Variants in DOCK1 observed in about 807,000 individuals in gnomAD.
DOCK1 encodes the protein dedicator of cytokinesis 1.
A neutral mutation model predicts 262.7 loss-of-function variants in DOCK1; 138 were observed. The observed-to-expected ratio is 0.53, with a 90% CI of 0.46 to 0.61. The LOEUF is 0.61. Among genes scored for constraint, DOCK1 ranks in the 20% least tolerant of loss-of-function variants. DOCK1 has a pLI of 0.00. For missense variants in DOCK1, 1,908 were observed against 2,370.7 expected, an observed-to-expected ratio of 0.80 and a Z score of 4.05; for synonymous variants, 866 against 867.4, an observed-to-expected ratio of 1.00 and a Z score of 0.03.
intron 1 of DOCK1, among the ~76,000 whole-genome samples, chr10:126,908,359 G>A (rs902117147): frequency 1.3e-5 from 2 of 152,120 alleles, no homozygotes; most frequent in Non-Finnish European, 2.9e-5. Context: ...AGCATTTTTC[G>A]GAGCTTAACA....
chr10:127,379,464 G>A (rs2065708882), intron 35 of DOCK1, among the ~76,000 whole-genome samples: 2 of 152,212 alleles, frequency 1.3e-5, no homozygotes, highest in South Asian at 4.1e-4. Flanking sequence ...AATGTCTTGT[G>A]TAGACTGTTT....
intron 47 of DOCK1, among the ~76,000 whole-genome samples, chr10:127,426,896 A>G (rs902838882): frequency 2.6e-5 from 4 of 152,196 alleles, no homozygotes; most frequent in Non-Finnish European, 5.9e-5. Flanking sequence ...TGCAGTTCAA[A>G]TCTTACAGCC....
Position 127,132,561 on chromosome 10 carries a change from A to G in DOCK1, c.2847+4797A>G, listed in dbSNP as rs544175318. 2.0e-5 allele frequency among the ~76,000 whole-genome samples: 3 copies of G among 152,268 alleles called. No individual in the cohort carries two copies. The South Asian group carries it at 6.2e-4, about 32-fold the overall frequency. On this transcript the variant is annotated intron_variant, in intron 27 of 51. Coordinates refer to ENST00000623213, the MANE Select transcript of DOCK1 (RefSeq NM_001290223.2). ...GAAGCTTTCTAAGCCCTCAGCATTA[A>G]GCAGCATTTTTCCTCATCACACACG...
chr10:127,285,681 C>T (rs1002113354), intron 29 of DOCK1, among the ~76,000 whole-genome samples: 12 of 152,346 alleles, frequency 7.9e-5, no homozygotes, highest in African/African-American at 9.6e-5. Flanking sequence ...GCGGTCAGAC[C>T]GCCAAGGTCA....
At chr10:126,935,993 T>G (rs1203273649) in intron 1 of DOCK1, among the ~76,000 whole-genome samples, 1 of 152,228 alleles carries the variant, frequency 6.6e-6, no homozygotes, top group Non-Finnish European at 1.5e-5. Context: ...CATTTTTTAA[T>G]TTTTTTAGAC....
At chr10:127,043,918 C>T (rs550305701) in intron 21 of DOCK1, among the ~76,000 whole-genome samples, 29 of 152,204 alleles carry the variant, frequency 1.9e-4, no homozygotes, top group African/African-American at 5.3e-4. Flanking sequence ...TAAGTTATTA[C>T]GTGTAGAGTG....
intron 31 of DOCK1, among the ~76,000 whole-genome samples, chr10:127,350,002 G>A (rs575401892): frequency 6.6e-6 from 1 of 152,116 alleles, no homozygotes; most frequent in Admixed American, 6.6e-5. Flanking sequence ...ATGGATACCA[G>A]GGTTTAGGAC....
At chr10:127,368,762 C>G (rs1489176435) in intron 33 of DOCK1, among the ~76,000 whole-genome samples, 1 of 152,096 alleles carries the variant, frequency 6.6e-6, no homozygotes, top group Non-Finnish European at 1.5e-5. Context: ...GACCGCACTC[C>G]AAGTCTCACC....
intron 29 of DOCK1, among the ~76,000 whole-genome samples, chr10:127,295,583 G>A (rs1022856000): frequency 6.6e-6 from 1 of 152,176 alleles, no homozygotes; most frequent in African/African-American, 2.4e-5. Flanking sequence ...CTACTTGAGG[G>A]GCTGAGGCGA....
At chr10:126,913,387 G>A (rs1271517801) in intron 1 of DOCK1, among the ~76,000 whole-genome samples, 29 of 152,288 alleles carry the variant, frequency 1.9e-4, no homozygotes, top group Admixed American at 1.9e-3. Context: ...CTTTGGTGCT[G>A]GTGTCACACA....
chr10:127,450,492 C>T (rs1407723550), intron 51 of DOCK1, among the ~76,000 whole-genome samples: 1 of 152,190 alleles, frequency 6.6e-6, no homozygotes, highest in Admixed American at 6.5e-5. Context: ...CTTCATTTAT[C>T]CACTGACTCG....
At chr10:127,199,507 A>G (rs1293047561) in intron 27 of DOCK1, among the ~76,000 whole-genome samples, 2 of 152,278 alleles carry the variant, frequency 1.3e-5, no homozygotes, top group Non-Finnish European at 2.9e-5. Flanking sequence ...AATACTAGAC[A>G]GCAACCCAAA....
intron 27 of DOCK1, chr10:127,137,790 T>C: frequency 6.5e-7 from 1 of 1,540,496 alleles, no homozygotes; most frequent in Non-Finnish European, 8.8e-7. Flanking sequence ...TGACTTAAAC[T>C]CCAGTGGGTT....
intron 31 of DOCK1, among the ~76,000 whole-genome samples, chr10:127,349,459 A>C (rs896646791): frequency 8.5e-5 from 13 of 152,136 alleles, no homozygotes. Flanking sequence ...CCCCAGCATC[A>C]AGTGGCGGTG....
rs530555990 is a variant in DOCK1, at chr10:127,056,331, A to G, written c.2336+3516A>G. Among the ~76,000 whole-genome samples the G allele has an allele frequency of 4.0e-3, 610 of 152,192 alleles. 1 individual carries two copies. Among genetic ancestry groups the G allele is most frequent in the Middle Eastern group, 0.014 (4 of 294 alleles). On this transcript the variant is annotated intron_variant, in intron 22 of 51. Coordinates refer to ENST00000623213, the MANE Select transcript of DOCK1 (RefSeq NM_001290223.2). ...GCCATCCTCCTGCCTTAGTCTCCCA[A>G]GTAACTAGGACTACAGGCAGGTGCC...
chr10:127,321,754 T>C (rs918778936), intron 29 of DOCK1, among the ~76,000 whole-genome samples: 5 of 150,294 alleles, frequency 3.3e-5, no homozygotes, highest in Admixed American at 1.3e-4. Flanking sequence ...TTGTCACCCT[T>C]TCTAGACCAG....
chr10:127,093,239 C>CTTTTT (rs372397425), intron 23 of DOCK1, among the ~76,000 whole-genome samples: 1 of 94,256 alleles, frequency 1.1e-5, no homozygotes. Flanking sequence ...TTCTTTCTTT[C>CTTTTT]TTCTTTTTTT....
At chr10:127,198,317 T>G (rs1231127734) in intron 27 of DOCK1, among the ~76,000 whole-genome samples, 1 of 152,254 alleles carries the variant, frequency 6.6e-6, no homozygotes. Flanking sequence ...GGGGAACTTC[T>G]GTAAATCTTA....
intron 23 of DOCK1, among the ~76,000 whole-genome samples, chr10:127,094,313 G>A (rs1004754100): frequency 6.6e-6 from 1 of 152,222 alleles, no homozygotes; most frequent in East Asian, 1.9e-4. Context: ...ACACAGGTTA[G>A]GTCTTGAAAT....
Sources: allele counts gnomAD v4.1 joint callset (sites outside exome capture counted in the v4.1 genomes callset), GRCh38; gene constraint gnomAD v4.1.1; transcripts MANE v1.5; gene names NCBI Gene and HGNC (gene_info 2026-07-23, HGNC 2026-07-21).